Variants in ZNF503 observed in about 807,000 individuals in gnomAD.
ZNF503 encodes the protein zinc finger protein 503.
Under a neutral mutation model 34.4 loss-of-function variants are expected in ZNF503, and 15 were observed. That is an observed-to-expected ratio of 0.44 (90% CI 0.29 to 0.67). ZNF503 has a LOEUF of 0.67. ZNF503 is among the 30% of genes least tolerant of loss of function. The probability of loss-of-function intolerance (pLI) is 0.13; values close to 1 mark genes in which losing one functional copy is unlikely to be tolerated. For synonymous variants in ZNF503, 580 were observed against 456.8 expected, an observed-to-expected ratio of 1.27 and a Z score of -3.44; for missense variants, 1,007 against 926.8, an observed-to-expected ratio of 1.09 and a Z score of -1.12.
the ZNF503 span, among the ~76,000 whole-genome samples, chr10:75,332,298 T>C: frequency 1.3e-5 from 2 of 152,116 alleles, no homozygotes; most frequent in Non-Finnish European, 2.9e-5. Flanking sequence ...TTTCACTGTG[T>C]TCCAAATCTT....
chr10:75,329,407 TTCC>T, the ZNF503 span, among the ~76,000 whole-genome samples: 446 of 103,500 alleles, frequency 4.3e-3, 4 homozygotes, highest in African/African-American at 0.016. Flanking sequence ...CCTTCCTTCC[TTCC>T]TTCCTTTCCT....
At chr10:75,336,679 T>G in the ZNF503 span, among the ~76,000 whole-genome samples, 4 of 152,308 alleles carry the variant, frequency 2.6e-5, no homozygotes, top group Admixed American at 6.5e-5. Flanking sequence ...AAGGCCAAAA[T>G]CAAGATGTTG....
At chr10:75,339,388 A>G in the ZNF503 span, among the ~76,000 whole-genome samples, 3 of 152,202 alleles carry the variant, frequency 2.0e-5, no homozygotes, top group Admixed American at 1.3e-4. Context: ...TCAGATGGCC[A>G]AAGGCACCGG....
the ZNF503 span, among the ~76,000 whole-genome samples, chr10:75,329,534 A>G: frequency 6.6e-6 from 1 of 151,058 alleles, no homozygotes; most frequent in African/African-American, 2.4e-5. Context: ...GCGTGCTCAT[A>G]GCTACCTAAT....
chr10:75,303,464 A>C, the ZNF503 span, among the ~76,000 whole-genome samples: 1 of 152,220 alleles, frequency 6.6e-6, no homozygotes, highest in South Asian at 2.1e-4. Context: ...AGGCTGTTGG[A>C]TCCACGTTGT....
chr10:75,348,321 C>A, the ZNF503 span, among the ~76,000 whole-genome samples: 1 of 152,014 alleles, frequency 6.6e-6, no homozygotes, highest in African/African-American at 2.4e-5. Flanking sequence ...CTCAGCCTCC[C>A]AAAGTGCTGG....
At chr10:75,352,443 T>A in the ZNF503 span, among the ~76,000 whole-genome samples, 1 of 150,140 alleles carries the variant, frequency 6.7e-6, no homozygotes, top group African/African-American at 2.4e-5. Flanking sequence ...TGAGGGAGAC[T>A]TGATTTGATA....
chr10:75,304,032 C>G, the ZNF503 span, among the ~76,000 whole-genome samples: 2 of 152,058 alleles, frequency 1.3e-5, no homozygotes, highest in Non-Finnish European at 1.5e-5. Flanking sequence ...TGGGGTTTCA[C>G]CATGTTGGCC....
At chr10:75,382,447 C>A in the ZNF503 span, 1 of 503,364 alleles carries the variant, frequency 2.0e-6, no homozygotes, top group Non-Finnish European at 3.7e-6. Context: ...TTCTCTTTAC[C>A]TCCTCTCTGG....
At position 75,398,351 on chromosome 10, in the gene ZNF503, C is replaced by T. The variant is rs1010773081; in HGVS notation, c.*398G>A. On this transcript the variant is annotated 3_prime_UTR_variant, in exon 2 of 2. Transcript: ENST00000372524. The stretch of plus-strand genomic sequence containing the variant: ...CCCTCAAGTTTTAAAATTTTTCCCA[C>T]CTCCTTTTTACCTACAGAGCTCAAA... 6.1e-6 allele frequency: 1 copy of T among 165,154 alleles called. No homozygotes were observed. 10.2% of individuals were successfully genotyped at this position (165,154 alleles called of 1,614,324 possible).
chr10:75,356,984 C>A, the ZNF503 span, among the ~76,000 whole-genome samples: 1 of 152,078 alleles, frequency 6.6e-6, no homozygotes, highest in Admixed American at 6.5e-5. Context: ...TTTGTTCATC[C>A]CACAAGAAAA....
the ZNF503 span, chr10:75,295,622 G>A: frequency 6.6e-6 from 1 of 152,194 alleles, no homozygotes; most frequent in African/African-American, 2.4e-5. This position sits in a 1 kb window ranked among gnomAD's most constrained non-coding sequence, Gnocchi z 4.0. Flanking sequence ...ATCATGAGTT[G>A]TAGATTATTC....
the ZNF503 span, among the ~76,000 whole-genome samples, chr10:75,292,601 A>C: frequency 6.6e-6 from 1 of 152,214 alleles, no homozygotes; most frequent in African/African-American, 2.4e-5. Context: ...AAGGACCCTG[A>C]TTGGTCCGAC....
chr10:75,354,366 T>C, the ZNF503 span, among the ~76,000 whole-genome samples: 3 of 152,132 alleles, frequency 2.0e-5, no homozygotes, highest in Admixed American at 2.0e-4. Flanking sequence ...AAAACATAGA[T>C]TACCAAAACT....
chr10:75,400,127 G>A lies in ZNF503; in HGVS notation c.563C>T (p.Pro188Leu), dbSNP rs1335999642. The A allele has an allele frequency of 3.9e-6, 5 of 1,276,958 alleles. No individual in the cohort carries two copies. Among genetic ancestry groups the A allele is most frequent in the Middle Eastern group, 2.4e-4 (1 of 4,214 alleles). 79.1% of individuals were successfully genotyped at this position (1,276,958 alleles called of 1,614,324 possible). A position where few individuals can be genotyped will look rare whatever the true frequency, so the allele number is the denominator to read the frequency against. ...YSKPGSDKKE[P>L]GGGGGGGGGG... ...GCCACCGCCTCCACCGCCGCCTCCC[G>A]GCTCCTTCTTATCCGAGCCGGGTTT... The change falls in exon 2 of 2, where the codon CCG (proline) becomes CTG (leucine). Residue 188 changes from proline to leucine, a missense_variant. By Grantham distance (98) the Pro-to-Leu change is moderately conservative. Transcript: ENST00000372524.
At chr10:75,280,235 G>A in the ZNF503 span, 3 of 152,144 alleles carry the variant, frequency 2.0e-5, no homozygotes, top group South Asian at 2.1e-4. Context: ...CTATTCCAGG[G>A]GAATTTTCAC....
chr10:75,352,997 T>C, the ZNF503 span, among the ~76,000 whole-genome samples: 1 of 152,092 alleles, frequency 6.6e-6, no homozygotes, highest in Non-Finnish European at 1.5e-5. Flanking sequence ...CCTCTCCCCA[T>C]GGGAGCTGTG....
chr10:75,302,549 C>T, the ZNF503 span, among the ~76,000 whole-genome samples: 4 of 152,198 alleles, frequency 2.6e-5, no homozygotes, highest in Non-Finnish European at 4.4e-5. Flanking sequence ...GCTCTGTCAG[C>T]CAGGGATGTG....
the ZNF503 span, among the ~76,000 whole-genome samples, chr10:75,304,247 G>T: frequency 6.6e-6 from 1 of 152,142 alleles, no homozygotes; most frequent in African/African-American, 2.4e-5. Context: ...AGACTGCAGA[G>T]AATACATTTA....
Sources: allele counts gnomAD v4.1 joint callset (sites outside exome capture counted in the v4.1 genomes callset), GRCh38; gene constraint gnomAD v4.1.1; non-coding constraint Gnocchi (gnomAD v3.1); transcripts MANE v1.5; gene names NCBI Gene and HGNC (gene_info 2026-07-23, HGNC 2026-07-21).